FAM107A: variants seen among roughly 807,000 people sequenced by gnomAD.
FAM107A encodes the protein actin-associated protein FAM107A.
FAM107A carries 19 observed loss-of-function variants against 13.7 expected under a neutral mutation model. The observed-to-expected ratio is 1.38, with a 90% CI of 0.97 to 2.03. The LOEUF is 2.03. Among genes scored for constraint, FAM107A ranks in the 30% most tolerant of loss-of-function variants. The pLI is 0.00. For synonymous variants in FAM107A, 82 were observed against 74.5 expected, an observed-to-expected ratio of 1.10 and a Z score of -0.52; for missense variants, 203 against 184.4, an observed-to-expected ratio of 1.10 and a Z score of -0.58.
At chr3:58,599,748 C>T (rs1231777236) in intron 1 of FAM107A, among the ~76,000 whole-genome samples, 22 of 108,484 alleles carry the variant, frequency 2.0e-4, no homozygotes, top group Admixed American at 6.7e-4. Flanking sequence ...GACGGGATCC[C>T]GCTCTGTCAC....
chr3:58,611,127 G>A (rs1575455288), intron 1 of FAM107A, among the ~76,000 whole-genome samples: 1 of 152,306 alleles, frequency 6.6e-6, no homozygotes, highest in East Asian at 1.9e-4. Context: ...CTTCTGCCAT[G>A]ACTGTAAGTT....
chr3:58,611,125 A>G (rs1157157398), intron 1 of FAM107A, among the ~76,000 whole-genome samples: 2 of 152,198 alleles, frequency 1.3e-5, no homozygotes, highest in African/African-American at 4.8e-5. Flanking sequence ...GCCTTCTGCC[A>G]TGACTGTAAG....
intron 1 of FAM107A, among the ~76,000 whole-genome samples, chr3:58,571,773 G>A (rs1006049017): frequency 6.6e-6 from 1 of 152,062 alleles, no homozygotes; most frequent in Non-Finnish European, 1.5e-5. Flanking sequence ...TTTCCTTCCC[G>A]TGACCTCAGC....
chr3:58,574,997 A>T (rs1221289682), intron 1 of FAM107A, among the ~76,000 whole-genome samples: 1 of 152,038 alleles, frequency 6.6e-6, no homozygotes, highest in East Asian at 1.9e-4. Context: ...ACAGAAGGAG[A>T]GCTGCACTGA....
At chr3:58,622,104 A>G (rs1417315538) in intron 1 of FAM107A, among the ~76,000 whole-genome samples, 2 of 152,354 alleles carry the variant, frequency 1.3e-5, no homozygotes, top group East Asian at 3.9e-4. Flanking sequence ...AAGTGGGTAC[A>G]GCAGCCTCTA....
upstream of FAM107A, chr3:58,589,152 A>G (rs2065634487): frequency 1.7e-6 from 2 of 1,151,020 alleles, no homozygotes; most frequent in Non-Finnish European, 2.5e-6. Flanking sequence ...TTTGTGGAGT[A>G]TCTGAAGGGA....
chr3:58,593,242 C>T (rs908617979), intron 1 of FAM107A, among the ~76,000 whole-genome samples: 4 of 152,182 alleles, frequency 2.6e-5, no homozygotes, highest in African/African-American at 7.2e-5. Context: ...AGTAATAACG[C>T]TTATGAGCCT....
Position 58,613,526 on chromosome 3 carries a change from G to A in FAM107A, c.-70+13890C>T, listed in dbSNP as rs1265359782. Among the ~76,000 whole-genome samples the A allele has an allele frequency of 1.3e-5, 2 of 152,156 alleles. No individual in the cohort carries two copies. The highest frequency in any genetic ancestry group is 4.8e-5 in the African/African-American group (2 of 41,444). ...CCTGCTGCTCTGGCCTGACCAACTTGCTCTCAGTGCCCTGAGTGCCAGCAA... is the reference window on the plus strand; with the variant it reads ...CCTGCTGCTCTGGCCTGACCAACTTACTCTCAGTGCCCTGAGTGCCAGCAA... On this transcript the variant is annotated intron_variant, in intron 1 of 3. Coordinates refer to the FAM107A transcript ENST00000465970. This position sits in a 1 kb window ranked among gnomAD's most constrained non-coding sequence, Gnocchi z 4.6.
At chr3:58,588,741 C>A (rs1346055878), upstream of FAM107A, among the ~76,000 whole-genome samples, 1 of 152,146 alleles carries the variant, frequency 6.6e-6, no homozygotes, top group African/African-American at 2.4e-5. Flanking sequence ...CTCACTGCAA[C>A]CTCCACCTCC....
At chr3:58,599,166 T>C (rs1280438218) in intron 1 of FAM107A, among the ~76,000 whole-genome samples, 1 of 152,166 alleles carries the variant, frequency 6.6e-6, no homozygotes, top group South Asian at 2.1e-4. Context: ...GGTCTCAAAC[T>C]CCTGACCTCA....
rs576373164 is a variant in FAM107A at position 58,615,404 on chromosome 3, C to T, written c.-70+12012G>A. Among the ~76,000 whole-genome samples the T allele has an allele frequency of 7.2e-5, 11 of 152,292 alleles. No individual in the cohort carries two copies. In the South Asian group the frequency reaches 2.3e-3, roughly 32 times the overall value. ...TCTTAAGGACCATTTTAGTTGCTTCCTCCAAGTTTCAATATATAGTATTTT... is the reference window on the plus strand; with the variant it reads ...TCTTAAGGACCATTTTAGTTGCTTCTTCCAAGTTTCAATATATAGTATTTT... On this transcript the variant is annotated intron_variant, in intron 1 of 3. Coordinates refer to the FAM107A transcript ENST00000465970.
At chr3:58,603,499 G>T (rs1196033175) in intron 1 of FAM107A, among the ~76,000 whole-genome samples, 2 of 152,194 alleles carry the variant, frequency 1.3e-5, no homozygotes, top group Non-Finnish European at 2.9e-5. Flanking sequence ...AGGGAGGAAA[G>T]CAGGATGGAG....
At chr3:58,593,258 AT>A (rs780021122) in intron 1 of FAM107A, among the ~76,000 whole-genome samples, 2 of 152,184 alleles carry the variant, frequency 1.3e-5, no homozygotes, top group Non-Finnish European at 1.5e-5. Flanking sequence ...AGCCTAATAC[AT>A]CCCTTCATTC....
intron 1 of FAM107A, among the ~76,000 whole-genome samples, chr3:58,614,807 T>C (rs2065886700): frequency 6.9e-6 from 1 of 144,188 alleles, no homozygotes; most frequent in Admixed American, 7.0e-5. Flanking sequence ...ACCAGGACGA[T>C]TCAATTTCTT....
chr3:58,595,149 C>G (rs142256265), intron 1 of FAM107A, among the ~76,000 whole-genome samples: 1 of 152,064 alleles, frequency 6.6e-6, no homozygotes, highest in African/African-American at 2.4e-5. Context: ...CAGTCCCACT[C>G]GAAGCAGCCC....
In FAM107A at chr3:58,615,356, T is replaced by G. The variant is rs374766149; in HGVS notation, c.-70+12060A>C. 2.8e-3 allele frequency among the ~76,000 whole-genome samples: 414 copies of G among 148,768 alleles called. 2 individuals are homozygous for G. Among genetic ancestry groups the G allele is most frequent in the African/African-American group, 9.2e-3 (380 of 41,100 alleles). ...GTAAGTCTCAGTCTTCTTTTCAATG[T>G]GCATTTAAAACTATAACCTTCTTCT... On this transcript the variant is annotated intron_variant, in intron 1 of 3. Transcript: ENST00000465970.
At chr3:58,597,955 T>TGA (rs2065721534) in intron 1 of FAM107A, among the ~76,000 whole-genome samples, 1 of 152,214 alleles carries the variant, frequency 6.6e-6, no homozygotes, top group African/African-American at 2.4e-5. Context: ...AGGAGGAAAC[T>TGA]GAGGCTCAGT....
chr3:58,587,657 A>G (rs552358688), upstream of FAM107A, among the ~76,000 whole-genome samples: 4 of 152,198 alleles, frequency 2.6e-5, no homozygotes, highest in South Asian at 4.2e-4. Flanking sequence ...GTGGAGGCCT[A>G]TGGAACTCCA....
chr3:58,567,962 G>C (rs890065118), intron 2 of FAM107A, among the ~76,000 whole-genome samples: 15 of 152,066 alleles, frequency 9.9e-5, no homozygotes, highest in Admixed American at 4.6e-4. Context: ...TTACAGACAA[G>C]GACTTGCTCT....
Sources: allele counts gnomAD v4.1 joint callset (sites outside exome capture counted in the v4.1 genomes callset), GRCh38; gene constraint gnomAD v4.1.1; non-coding constraint Gnocchi (gnomAD v3.1); transcripts MANE v1.5; gene names NCBI Gene and HGNC (gene_info 2026-07-23, HGNC 2026-07-21).